BCR: variants seen among roughly 807,000 people sequenced by gnomAD.
BCR encodes the protein breakpoint cluster region protein.
BCR carries 58 observed loss-of-function variants against 138.6 expected under a neutral mutation model. The ratio of observed to expected loss-of-function variants is 0.42; its 90% CI spans 0.34 to 0.52. The LOEUF (loss-of-function observed/expected upper bound fraction) is 0.52, where lower values mean the gene tolerates loss of function less well. Ranked by LOEUF, BCR falls within the 20% of genes least tolerant of loss-of-function variation. The pLI is 0.06. For missense variants in BCR, 1,599 were observed against 1,727.2 expected (o/e 0.93, Z 1.32); for synonymous variants, 786 against 730.1 (o/e 1.08, Z -1.23).
At chr22:23,218,997 C>T (rs1343056911) in intron 1 of BCR, among the ~76,000 whole-genome samples, 3 of 139,342 alleles carry the variant, frequency 2.2e-5, no homozygotes, top group Non-Finnish European at 4.6e-5. Context: ...TGGCTGATCC[C>T]TCGTTATGGA....
At chr22:23,194,358 A>AGCAT (rs2072451354) in intron 1 of BCR, among the ~76,000 whole-genome samples, 2 of 150,202 alleles carry the variant, frequency 1.3e-5, no homozygotes, top group African/African-American at 4.9e-5. Flanking sequence ...TTGTAATTCC[A>AGCAT]GCATCTTGGG....
chr22:23,254,571 C>CG (rs969769357), intron 2 of BCR: 2 of 518,700 alleles, frequency 3.9e-6, no homozygotes, highest in Non-Finnish European at 7.7e-6. Context: ...GGACCCACGC[C>CG]CCCCCTCACA....
chr22:23,220,640 G>A (rs1160650983), intron 1 of BCR, among the ~76,000 whole-genome samples: 2 of 152,108 alleles, frequency 1.3e-5, no homozygotes, highest in African/African-American at 4.8e-5. Context: ...TGTATACTTG[G>A]TGTTTCATTC....
intron 1 of BCR, among the ~76,000 whole-genome samples, chr22:23,216,517 A>G (rs1192240810): frequency 1.3e-5 from 2 of 152,264 alleles, no homozygotes; most frequent in African/African-American, 4.8e-5. Flanking sequence ...AAAATGAATT[A>G]GCAACGTGGA....
chr22:23,204,208 C>T (rs983571773), intron 1 of BCR, among the ~76,000 whole-genome samples: 1 of 151,808 alleles, frequency 6.6e-6, no homozygotes, highest in Non-Finnish European at 1.5e-5. Context: ...TTTTAGCCAT[C>T]CCAGCTCATG....
At chr22:23,284,942 G>T in intron 9 of BCR, 91 bp from the exon 10 acceptor site, 1 of 1,434,196 alleles carries the variant, frequency 7.0e-7, no homozygotes, top group Non-Finnish European at 9.6e-7. Flanking sequence ...ATGTATGGCC[G>T]AGAACACTGG....
chr22:23,186,140 G>A (rs1241143155), intron 1 of BCR, among the ~76,000 whole-genome samples: 2 of 152,216 alleles, frequency 1.3e-5, no homozygotes, highest in East Asian at 3.9e-4. Flanking sequence ...GGAAATGGCA[G>A]GACTGAAGAG....
At chr22:23,284,696 T>C (rs950771758) in intron 9 of BCR, among the ~76,000 whole-genome samples, 2 of 152,326 alleles carry the variant, frequency 1.3e-5, no homozygotes, top group Middle Eastern at 3.4e-3. Flanking sequence ...CCTCAAACTT[T>C]ACGGCCCTGG....
rs145176873 is a variant in BCR at position 23,242,553 on chromosome 22, C to T, written c.1280-11246C>T. Among the ~76,000 whole-genome samples, 50 of 152,302 alleles carry T rather than the reference C, an allele frequency of 3.3e-4. 2 individuals carry two copies. Among genetic ancestry groups the T allele is most frequent in the African/African-American group, 1.1e-3 (44 of 41,568 alleles). Reference sequence around the variant, plus strand: ...CTGCATTTGTAAGCCCCAGGAAAGCCGGCAGCTGAGTCAGCCTGAATCCCT... The same window carrying T: ...CTGCATTTGTAAGCCCCAGGAAAGCTGGCAGCTGAGTCAGCCTGAATCCCT... On this transcript the variant is annotated intron_variant, in intron 1 of 22. Coordinates refer to ENST00000305877, the MANE Select transcript of BCR (RefSeq NM_004327.4).
intron 10 of BCR, among the ~76,000 whole-genome samples, chr22:23,285,480 C>T (rs146347522): frequency 1.3e-4 from 20 of 152,326 alleles, no homozygotes; most frequent in African/African-American, 4.6e-4. Context: ...CTCTACAGTG[C>T]GCCTTTCACG....
chr22:23,289,690 C>A (rs764080056), intron 13 of BCR, 69 bp downstream of exon 13: 2 of 1,349,528 alleles, frequency 1.5e-6, no homozygotes, highest in South Asian at 1.2e-5. Flanking sequence ...AAGGCTGATC[C>A]CCCCTTCCTG....
chr22:23,284,527 G>C (rs1053370557), intron 9 of BCR, among the ~76,000 whole-genome samples: 4 of 152,128 alleles, frequency 2.6e-5, no homozygotes, highest in African/African-American at 9.7e-5. Context: ...CACCAGGTTG[G>C]AATGGAGCAA....
intron 1 of BCR, among the ~76,000 whole-genome samples, chr22:23,188,688 T>C (rs1253931902): frequency 3.3e-5 from 5 of 152,090 alleles, no homozygotes; most frequent in Non-Finnish European, 7.4e-5. Flanking sequence ...CTCGGGGTGG[T>C]GGTGGATTAA....
chr22:23,199,157 C>T (rs989782337), intron 1 of BCR: 1 of 368,362 alleles, frequency 2.7e-6, no homozygotes, highest in Non-Finnish European at 5.5e-6. Flanking sequence ...CTAACAAATG[C>T]AGGTTGTGAT....
intron 4 of BCR, chr22:23,263,125 CA>C (rs2073388706): frequency 2.8e-6 from 2 of 708,066 alleles, no homozygotes; most frequent in Non-Finnish European, 4.6e-6. Context: ...ATCCCGGGGA[CA>C]GGGGCGGCCA....
In BCR at chr22:23,181,332, T is replaced by C; in HGVS notation, c.372T>C (p.Gly124=). 1 of 1,430,970 alleles carries C rather than the reference T, an allele frequency of 7.0e-7. No individual in the cohort carries two copies. Among genetic ancestry groups the C allele is most frequent in the Non-Finnish European group, 9.1e-7 (1 of 1,097,176 alleles). 88.6% of individuals were successfully genotyped at this position (1,430,970 alleles called of 1,614,324 possible). Residue 124 remains glycine (G), a synonymous_variant, in exon 1 of 23, where the codon GGT becomes GGC. Coordinates refer to ENST00000305877, the MANE Select transcript of BCR (RefSeq NM_004327.4). ...GGCCCGACGGCGAGGGTTCTCCGGG[T>C]AAGGCCAGGCCCGGGACCGCCCGCA... ...EARPDGEGSP[G]KARPGTARRP... is the part of the protein sequence containing the mutation.
In BCR at chr22:23,271,533, AC is replaced by A; in HGVS notation, c.1864del (p.Leu622Ter). 6.2e-7 allele frequency: 1 copy of A among 1,614,038 alleles called. No homozygotes were observed. Among genetic ancestry groups the A allele is most frequent in the East Asian group, 2.2e-5 (1 of 44,880 alleles). On this transcript the variant is annotated frameshift_variant and splice_region_variant, in exon 6 of 23. Transcript: ENST00000305877. LOFTEE classifies it high-confidence loss of function. ...ANAQFAEISENLRARSNKDAK... is the reference protein window; with the variant it reads ...ANAQFAEISEXLRARSNKDAK... ...GAACATGCGCTTTTCTCTCTGCAGA[AC>A]CTGAGAGCCAGAAGCAACAAAGATG...
intron 1 of BCR, among the ~76,000 whole-genome samples, chr22:23,215,123 A>G (rs925272457): frequency 2.6e-5 from 4 of 152,212 alleles, no homozygotes; most frequent in Non-Finnish European, 4.4e-5. Context: ...ACTTAACATA[A>G]TGTCCTCAAG....
chr22:23,253,165 C>T (rs2073250959), intron 1 of BCR, among the ~76,000 whole-genome samples: 2 of 152,182 alleles, frequency 1.3e-5, no homozygotes, highest in South Asian at 4.1e-4. Flanking sequence ...AGAGGAAGGT[C>T]TGTGGGAAGG....
Sources: allele counts gnomAD v4.1 joint callset (sites outside exome capture counted in the v4.1 genomes callset), GRCh38; gene constraint gnomAD v4.1.1; transcripts MANE v1.5; gene names NCBI Gene and HGNC (gene_info 2026-07-23, HGNC 2026-07-21).